Variants in ACSL4 observed in about 807,000 individuals in gnomAD.
The protein encoded by ACSL4 is acyl-CoA synthetase long chain family member 4.
Under a neutral mutation model 49.1 loss-of-function variants are expected in ACSL4, and 9 were observed. That is an observed-to-expected ratio of 0.18 (90% confidence interval 0.11 to 0.32). The LOEUF (loss-of-function observed/expected upper bound fraction) is 0.32. Among genes scored for constraint, ACSL4 ranks in the 10% least tolerant of loss-of-function variants. The pLI is 1.00. For synonymous variants in ACSL4, 191 were observed against 170.3 expected (o/e 1.12, Z -0.95); for missense variants, 333 against 493.7 (o/e 0.67, Z 3.08).
chrX:109,716,555 AAAC>A, intron 1 of ACSL4, among the ~76,000 whole-genome samples: 1 of 112,510 alleles, frequency 8.9e-6, no homozygotes, highest in Non-Finnish European at 1.9e-5. Context: ...CAGCTGTTAC[AAAC>A]AACACTGCTG....
chrX:109,684,414 T>C (rs899761180), intron 2 of ACSL4, among the ~76,000 whole-genome samples: 43 of 112,383 alleles, frequency 3.8e-4, no homozygotes, highest in African/African-American at 1.3e-3. Flanking sequence ...TTTTTGCAAC[T>C]GTTTGGGGGA....
intron 1 of ACSL4, among the ~76,000 whole-genome samples, chrX:109,714,735 G>A (rs1926993439): frequency 8.9e-6 from 1 of 112,011 alleles, no homozygotes; most frequent in Admixed American, 9.5e-5. Context: ...TAGCCTAAGA[G>A]CAATAGGCTG....
At chrX:109,649,817 A>C (rs1164310457) in intron 15 of ACSL4, among the ~76,000 whole-genome samples, 1 of 108,148 alleles carries the variant, frequency 9.2e-6, no homozygotes, top group African/African-American at 3.4e-5. Context: ...AATGAACTCA[A>C]ACAAATTTAC....
At chrX:109,647,970 C>T (rs1285962773) in intron 15 of ACSL4, among the ~76,000 whole-genome samples, 5 of 111,198 alleles carry the variant, frequency 4.5e-5, no homozygotes, top group African/African-American at 1.3e-4. Context: ...CAAGACTAAA[C>T]CAGGAAGAAG....
chrX:109,678,439 C>T, intron 6 of ACSL4, 24 bp from the exon 7 acceptor site: 1 of 1,205,902 alleles, frequency 8.3e-7, no homozygotes, highest in African/African-American at 1.7e-5. Flanking sequence ...TGAAAAATAT[C>T]ACATTTACTT....
chrX:109,643,744 C>A lies in ACSL4; in HGVS notation c.*285G>T, dbSNP rs189248428. 935 of 240,866 alleles carry A rather than the reference C, an allele frequency of 3.9e-3. 12 individuals are homozygous for A. Among genetic ancestry groups the A allele is most frequent in the African/African-American group, 0.024 (858 of 35,887 alleles). The allele number at this position is 240,866 out of a possible 1,213,427, so 19.9% of individuals were successfully genotyped here. ...GTTCAACATTAAATATTTTTCTTTA[C>A]AAAAACAAGTATATCTTAGGCTAAT... On this transcript the variant is annotated 3_prime_UTR_variant, in exon 16 of 16. Coordinates refer to ENST00000672401, the MANE Select transcript of ACSL4 (RefSeq NM_001318510.2).
At chrX:109,695,021 C>T (rs1477405153) in intron 2 of ACSL4, among the ~76,000 whole-genome samples, 4 of 111,352 alleles carry the variant, frequency 3.6e-5, no homozygotes, top group Non-Finnish European at 7.5e-5. Flanking sequence ...CAATAAGCTT[C>T]GGCACAAGTA....
chrX:109,721,206 G>A (rs1474765185), intron 1 of ACSL4, among the ~76,000 whole-genome samples: 1 of 111,977 alleles, frequency 8.9e-6, no homozygotes, highest in Non-Finnish European at 1.9e-5. Flanking sequence ...TCTCCTGACT[G>A]AGGGAGTTTT....
At chrX:109,717,658 T>A (rs1282745961) in intron 1 of ACSL4, among the ~76,000 whole-genome samples, 1 of 111,109 alleles carries the variant, frequency 9.0e-6, no homozygotes, top group East Asian at 2.8e-4. Flanking sequence ...TCTGCAGCAA[T>A]GGGGCAGTGC....
Position 109,703,331 on chromosome X carries a change from T to C in ACSL4, c.-65-7135A>G, listed in dbSNP as rs543788371. On this transcript the variant is annotated intron_variant, in intron 1 of 15. Coordinates refer to ENST00000672401, the MANE Select transcript of ACSL4 (RefSeq NM_001318510.2). ...TGAAAAAACATTAGATTAACCCAGA[T>C]TAGGAACATTTTTAGTTTTTATAAT... Among the ~76,000 whole-genome samples the C allele has an allele frequency of 4.5e-5, 5 of 111,676 alleles. No homozygotes were observed. In the South Asian group the frequency reaches 1.9e-3, roughly 42 times the overall value.
At chrX:109,673,126 C>T (rs1409029892) in intron 9 of ACSL4, among the ~76,000 whole-genome samples, 2 of 111,873 alleles carry the variant, frequency 1.8e-5, no homozygotes, top group East Asian at 2.8e-4. Flanking sequence ...GGCCTAAAAT[C>T]GGAGATTACT....
intron 14 of ACSL4, among the ~76,000 whole-genome samples, chrX:109,660,945 T>C (rs191024806): frequency 4.1e-4 from 45 of 109,619 alleles, no homozygotes; most frequent in Middle Eastern, 4.7e-3. Context: ...GGAATAGGAG[T>C]TGCTGTTTAA....
At chrX:109,694,409 C>G (rs760491378) in intron 2 of ACSL4, among the ~76,000 whole-genome samples, 11 of 111,684 alleles carry the variant, frequency 9.8e-5, no homozygotes, top group Non-Finnish European at 1.7e-4. Context: ...AGACCTGGAA[C>G]AAATTAACCT....
intron 1 of ACSL4, among the ~76,000 whole-genome samples, chrX:109,696,588 C>T (rs1277133830): frequency 8.9e-6 from 1 of 112,574 alleles, no homozygotes; most frequent in African/African-American, 3.2e-5. Context: ...TGACTGTAGG[C>T]ATCTATCCTC....
Position 109,683,373 on chromosome X carries a change from C to A in ACSL4, c.-10G>T. 2.5e-6 allele frequency: 3 copies of A among 1,211,404 alleles called. No individual in the cohort carries two copies. Among genetic ancestry groups the A allele is most frequent in the Non-Finnish European group, 3.4e-6 (3 of 895,236 alleles). ...TTATTCTCTTTGCCATAGCGTTTTT[C>A]TTCTTGGCATTGGTAAGAAAATACC... is the stretch of plus-strand genomic sequence containing the variant. On this transcript the variant is annotated splice_region_variant and 5_prime_UTR_variant, in exon 3 of 16. Transcript: ENST00000672401.
At chrX:109,704,428 ATT>A (rs1926198267) in intron 1 of ACSL4, among the ~76,000 whole-genome samples, 1 of 111,471 alleles carries the variant, frequency 9.0e-6, no homozygotes, top group Non-Finnish European at 1.9e-5. Context: ...ATTATCATTC[ATT>A]TTGTTACATA....
At chrX:109,644,770 A>C (rs920731881) in intron 15 of ACSL4, among the ~76,000 whole-genome samples, 1 of 112,824 alleles carries the variant, frequency 8.9e-6, no homozygotes, top group African/African-American at 3.2e-5. Context: ...CTGAGGTACC[A>C]GGTTCATCTC....
At chrX:109,703,697 C>T (rs1371692071) in intron 1 of ACSL4, among the ~76,000 whole-genome samples, 3 of 111,366 alleles carry the variant, frequency 2.7e-5, no homozygotes, top group African/African-American at 6.5e-5. Context: ...TTTGGGAGGT[C>T]GAGGTGGGCA....
chrX:109,685,669 G>T (rs952164187), intron 2 of ACSL4, among the ~76,000 whole-genome samples: 1 of 110,086 alleles, frequency 9.1e-6, no homozygotes, highest in African/African-American at 3.3e-5. Context: ...ACAGTGAAAT[G>T]AGAAAGAAAC....
Sources: allele counts gnomAD v4.1 joint callset (sites outside exome capture counted in the v4.1 genomes callset), GRCh38; gene constraint gnomAD v4.1.1; transcripts MANE v1.5; gene names NCBI Gene and HGNC (gene_info 2026-07-23, HGNC 2026-07-21).